Variants in DARS1 observed in about 807,000 individuals in gnomAD.
DARS1 encodes the protein aspartyl-tRNA synthetase 1.
Under a neutral mutation model 68.8 loss-of-function variants are expected in DARS1, and 51 were observed. That is an observed-to-expected ratio of 0.74 (90% CI 0.59 to 0.94). The LOEUF is 0.94. Among genes scored for constraint, DARS1 ranks in the 40% least tolerant of loss-of-function variants. The pLI, the probability that DARS1 is intolerant of heterozygous loss-of-function variation, is 0.00. For missense variants in DARS1, 607 were observed against 597.3 expected, an observed-to-expected ratio of 1.02 and a Z score of -0.17; for synonymous variants, 203 against 190.4, an observed-to-expected ratio of 1.07 and a Z score of -0.55.
chr2:135,961,025 T>G (rs1453806122), intron 4 of DARS1, among the ~76,000 whole-genome samples: 2 of 152,198 alleles, frequency 1.3e-5, no homozygotes, highest in Non-Finnish European at 2.9e-5. Context: ...GAAAACTTGT[T>G]GCTCAACATG....
chr2:135,919,600 G>C (rs1040356068), intron 10 of DARS1, among the ~76,000 whole-genome samples: 1 of 152,020 alleles, frequency 6.6e-6, no homozygotes. Context: ...AACTTGACTC[G>C]GTTCTATTTT....
chr2:135,922,919 C>T lies in DARS1; in HGVS notation c.677-1G>A. 6.5e-7 allele frequency: 1 copy of T among 1,543,602 alleles called. No homozygotes were observed. The highest frequency in any genetic ancestry group is 2.1e-5 in the Admixed American group (1 of 47,922). On this transcript the variant is annotated splice_acceptor_variant, in intron 8 of 15. Coordinates refer to ENST00000264161, the MANE Select transcript of DARS1 (RefSeq NM_001349.4). LOFTEE classifies it high-confidence loss of function. ...ACATTGGCTCCTCCTTCACTGGCAGCTGAAAGGTAAACATTTATATTTATA... is the reference window on the plus strand; with the variant it reads ...ACATTGGCTCCTCCTTCACTGGCAGTTGAAAGGTAAACATTTATATTTATA...
rs765797736 is a variant in DARS1, at chr2:135,968,658, C to CTTTT, written c.218-7164_218-7161dup. 1.9e-4 allele frequency among the ~76,000 whole-genome samples: 24 copies of CTTTT among 129,032 alleles called. 1 individual carries two copies. Among genetic ancestry groups the CTTTT allele is most frequent in the African/African-American group, 4.7e-4 (16 of 33,946 alleles). 84.7% of individuals were successfully genotyped at this position (129,032 alleles called of 152,430 possible). On this transcript the variant is annotated intron_variant, in intron 3 of 15. Transcript: ENST00000264161. Reference sequence around the variant, plus strand: ...CAACAATGCCACACTGGGGATTCAGCTTTTTTTTTTTTTTTTTTTTTGAGA... The same window carrying CTTTT: ...CAACAATGCCACACTGGGGATTCAGCTTTTTTTTTTTTTTTTTTTTTTTTTGAGA...
chr2:135,972,338 T>C (rs1682389549), intron 3 of DARS1, among the ~76,000 whole-genome samples: 1 of 152,172 alleles, frequency 6.6e-6, no homozygotes, highest in African/African-American at 2.4e-5. Context: ...GGGAAAATAG[T>C]CTTTTCAATA....
intron 4 of DARS1, among the ~76,000 whole-genome samples, chr2:135,945,226 C>A (rs1301819599): frequency 6.6e-6 from 1 of 152,060 alleles, no homozygotes; most frequent in East Asian, 1.9e-4. Flanking sequence ...CTCCCGGGTT[C>A]AAGTGATTCT....
chr2:135,981,425 G>A lies in DARS1; in HGVS notation c.124+1972C>T, dbSNP rs546731920. On this transcript the variant is annotated intron_variant, in intron 2 of 15. Transcript: ENST00000264161. ...TTGAGCATTCCTAACCCGAAAACCC[G>A]GAATGCTCCCAAATCCAAAACTTTT... 5.3e-5 allele frequency among the ~76,000 whole-genome samples: 8 copies of A among 152,110 alleles called. No individual in the cohort carries two copies. In the East Asian group the frequency reaches 5.8e-4, roughly 11 times the overall value.
intron 3 of DARS1, among the ~76,000 whole-genome samples, chr2:135,969,635 C>T (rs1270985103): frequency 3.3e-5 from 5 of 150,258 alleles, no homozygotes; most frequent in East Asian, 1.9e-4. Flanking sequence ...AAAAGCCACC[C>T]GCACCTTTGC....
intron 10 of DARS1, among the ~76,000 whole-genome samples, chr2:135,917,229 G>A (rs1404732572): frequency 6.6e-6 from 1 of 152,070 alleles, no homozygotes; most frequent in African/African-American, 2.4e-5. Context: ...ATGATGGCTG[G>A]GATTTGCTTC....
In DARS1 at chr2:135,915,486, C is replaced by T. The variant is rs1680985264; in HGVS notation, c.1106+740G>A. On this transcript the variant is annotated intron_variant, in intron 11 of 15. Transcript: ENST00000264161. The stretch of plus-strand genomic sequence containing the variant: ...ATTTTTTTGTACAGACAGCATCTCT[C>T]TGTGTTGTCCAGGCTGGTCCCGAAA... 1.3e-5 allele frequency among the ~76,000 whole-genome samples: 2 copies of T among 152,108 alleles called. 1 individual carries two copies. The highest frequency in any genetic ancestry group is 4.1e-4 in the South Asian group (2 of 4,820).
rs990911013 is a variant in DARS1, at chr2:135,935,603, A to AAAAT, written c.424-1617_424-1614dup. Among the ~76,000 whole-genome samples the AAAAT allele has an allele frequency of 9.2e-5, 14 of 152,260 alleles. No homozygotes were observed. In the East Asian group the frequency reaches 1.5e-3, roughly 17 times the overall value. On this transcript the variant is annotated intron_variant, in intron 5 of 15. Transcript: ENST00000264161. ...TGACACAGCGAGACTCTGTCTCGAAAAAATAAATAAATAAATAAATAAAAA... is the reference window on the plus strand; with the variant it reads ...TGACACAGCGAGACTCTGTCTCGAAAAAATAAATAAATAAATAAATAAATAAAAA...
At chr2:135,961,979 C>T (rs1682112569) in intron 3 of DARS1, among the ~76,000 whole-genome samples, 1 of 152,346 alleles carries the variant, frequency 6.6e-6, no homozygotes, top group African/African-American at 2.4e-5. Context: ...GGTCCATCTA[C>T]AGAGTTTCTT....
intron 3 of DARS1, among the ~76,000 whole-genome samples, chr2:135,970,172 T>C (rs1345219477): frequency 6.7e-6 from 1 of 148,834 alleles, no homozygotes; most frequent in African/African-American, 2.5e-5. Flanking sequence ...AGGCCAAGAG[T>C]TGGAGGCTGC....
intron 7 of DARS1, among the ~76,000 whole-genome samples, chr2:135,929,127 A>C (rs1681289005): frequency 6.6e-6 from 1 of 152,200 alleles, no homozygotes; most frequent in Admixed American, 6.5e-5. Context: ...CCTGTGATAC[A>C]TAGCAGTGCT....
intron 5 of DARS1, among the ~76,000 whole-genome samples, chr2:135,936,955 C>A (rs1267693780): frequency 6.6e-6 from 1 of 152,176 alleles, no homozygotes; most frequent in Non-Finnish European, 1.5e-5. Context: ...AGAGGCCATG[C>A]TGTCTTAAAG....
At chr2:135,943,301 A>G in intron 5 of DARS1, 77 bp downstream of exon 5, 1 of 1,539,542 alleles carries the variant, frequency 6.5e-7, no homozygotes, top group Admixed American at 2.1e-5. Context: ...ATTAGTAAGA[A>G]CATATAAATT....
At chr2:135,976,253 C>T (rs1027498204) in intron 3 of DARS1, among the ~76,000 whole-genome samples, 1 of 152,130 alleles carries the variant, frequency 6.6e-6, no homozygotes, top group African/African-American at 2.4e-5. Flanking sequence ...GGGAGCAGAA[C>T]AAGTGAATTA....
At chr2:135,960,895 T>C (rs1404375465) in intron 4 of DARS1, among the ~76,000 whole-genome samples, 2 of 152,248 alleles carry the variant, frequency 1.3e-5, no homozygotes, top group Non-Finnish European at 2.9e-5. Flanking sequence ...TTACCTTTTT[T>C]CTCCTAAACC....
chr2:135,911,694 C>T (rs309167), intron 13 of DARS1: 81,091 of 446,084 alleles, frequency 0.18, 8,716 homozygotes, highest in Middle Eastern at 0.4. Context: ...GTGCTCTCCT[C>T]CCACACCCCC....
At chr2:135,935,286 T>A (rs1681443168) in intron 5 of DARS1, among the ~76,000 whole-genome samples, 1 of 152,038 alleles carries the variant, frequency 6.6e-6, no homozygotes, top group African/African-American at 2.4e-5. Context: ...CTAGAGGATG[T>A]TCCTTTATGT....
Sources: allele counts gnomAD v4.1 joint callset (sites outside exome capture counted in the v4.1 genomes callset), GRCh38; gene constraint gnomAD v4.1.1; transcripts MANE v1.5; gene names NCBI Gene and HGNC (gene_info 2026-07-23, HGNC 2026-07-21).